THSD7A: variants seen among roughly 807,000 people sequenced by gnomAD.
THSD7A encodes thrombospondin type 1 domain containing 7A, also known as thrombospondin type-1 domain-containing protein 7A.
A neutral mutation model predicts 231.3 loss-of-function variants in THSD7A; 96 were observed. The observed-to-expected ratio is 0.41, with a 90% CI of 0.35 to 0.49. THSD7A has a LOEUF of 0.49. THSD7A is among the 20% of genes least tolerant of loss of function. The probability of loss-of-function intolerance (pLI) is 0.05; values close to 1 mark genes in which losing one functional copy is unlikely to be tolerated. For synonymous variants in THSD7A, 940 were observed against 743.3 expected, an observed-to-expected ratio of 1.26 and a Z score of -4.30; for missense variants, 2,290 against 2,070.2, an observed-to-expected ratio of 1.11 and a Z score of -2.06.
intron 4 of THSD7A, among the ~76,000 whole-genome samples, chr7:11,581,990 A>G (rs1791186098): frequency 6.6e-6 from 1 of 152,056 alleles, no homozygotes; most frequent in African/African-American, 2.4e-5. Flanking sequence ...AAACATTTGT[A>G]ATACAGCTGA....
chr7:11,507,791 T>C (rs1268215514), intron 6 of THSD7A, among the ~76,000 whole-genome samples: 2 of 152,168 alleles, frequency 1.3e-5, no homozygotes, highest in South Asian at 2.1e-4. Context: ...TCACAACTTA[T>C]GGATGGGAAA....
intron 1 of THSD7A, among the ~76,000 whole-genome samples, chr7:11,724,457 A>G (rs1781475896): frequency 2.0e-5 from 3 of 151,926 alleles, no homozygotes; most frequent in Admixed American, 2.0e-4. Flanking sequence ...TTTATTGCTT[A>G]TAATCAGTCA....
At chr7:11,447,494 C>A (rs1785010822) in intron 11 of THSD7A, 70 bp from the exon 12 acceptor site, 6 of 1,336,044 alleles carry the variant, frequency 4.5e-6, no homozygotes, top group Non-Finnish European at 4.9e-6. Context: ...AGAAGCTAAC[C>A]TAACATTTGG....
chr7:11,707,010 T>C (rs893723647), intron 1 of THSD7A, among the ~76,000 whole-genome samples: 2 of 150,800 alleles, frequency 1.3e-5, no homozygotes, highest in Admixed American at 1.3e-4. Flanking sequence ...AGGAGTAGTC[T>C]AGAGAAAACT....
At chr7:11,449,058 G>A (rs1031561797) in intron 11 of THSD7A, among the ~76,000 whole-genome samples, 1 of 152,016 alleles carries the variant, frequency 6.6e-6, no homozygotes, top group Non-Finnish European at 1.5e-5. Context: ...AGTCTAAGAT[G>A]GTGGTTCTCA....
intron 6 of THSD7A, among the ~76,000 whole-genome samples, chr7:11,485,094 C>G (rs1433099841): frequency 2.0e-5 from 3 of 151,418 alleles, no homozygotes; most frequent in African/African-American, 7.3e-5. Context: ...TTTCACCATA[C>G]TGGCCAGGCT....
rs1583831140 is a variant in THSD7A, at chr7:11,485,807, C to A, written c.1823-3825G>T. 2.0e-5 allele frequency among the ~76,000 whole-genome samples: 3 copies of A among 152,286 alleles called. No individual in the cohort carries two copies. The East Asian group carries it at 5.8e-4, about 29-fold the overall frequency. On this transcript the variant is annotated intron_variant, in intron 6 of 27. Coordinates refer to ENST00000423059, the MANE Select transcript of THSD7A (RefSeq NM_015204.3). Reference sequence around the variant, plus strand: ...TCAACACAGTGATGCATGTTGCCAGCCACACAGTGCTTCAAATACAAAGAC... The same window carrying A: ...TCAACACAGTGATGCATGTTGCCAGACACACAGTGCTTCAAATACAAAGAC...
intron 4 of THSD7A, among the ~76,000 whole-genome samples, chr7:11,576,118 T>C (rs936893331): frequency 4.6e-5 from 7 of 152,340 alleles, no homozygotes; most frequent in Admixed American, 4.6e-4. Flanking sequence ...AATCTTATGA[T>C]ACACATTTTG....
chr7:11,543,426 G>A (rs1318627819), intron 4 of THSD7A, among the ~76,000 whole-genome samples: 1 of 152,106 alleles, frequency 6.6e-6, no homozygotes, highest in Non-Finnish European at 1.5e-5. Flanking sequence ...ATTCCTTAAG[G>A]TTAGATCTAA....
chr7:11,604,961 C>T (rs1780684704), intron 2 of THSD7A, among the ~76,000 whole-genome samples: 1 of 151,974 alleles, frequency 6.6e-6, no homozygotes, highest in African/African-American at 2.4e-5. Context: ...CACTGGGACT[C>T]ATGTTACTGC....
chr7:11,505,422 G>A (rs1286174988), intron 6 of THSD7A, among the ~76,000 whole-genome samples: 5 of 149,250 alleles, frequency 3.4e-5, no homozygotes, highest in East Asian at 2.0e-4. Context: ...TTAGGTTTCC[G>A]AAAACTAACA....
chr7:11,483,105 A>G (rs1054823415), intron 6 of THSD7A, among the ~76,000 whole-genome samples: 1 of 152,234 alleles, frequency 6.6e-6, no homozygotes, highest in African/African-American at 2.4e-5. Flanking sequence ...CGCATTAGGC[A>G]TTCAGGTGAG....
At chr7:11,440,925 A>G (rs1784784561) in intron 13 of THSD7A, among the ~76,000 whole-genome samples, 1 of 152,084 alleles carries the variant, frequency 6.6e-6, no homozygotes, top group South Asian at 2.1e-4. Flanking sequence ...GCTATCAAAC[A>G]ACATTGCATG....
intron 16 of THSD7A, among the ~76,000 whole-genome samples, chr7:11,418,735 C>T (rs1453863259): frequency 6.6e-6 from 1 of 152,040 alleles, no homozygotes; most frequent in Non-Finnish European, 1.5e-5. Flanking sequence ...CTGTGGGATA[C>T]ATTCAAACAC....
intron 1 of THSD7A, among the ~76,000 whole-genome samples, chr7:11,692,587 A>G (rs1369488569): frequency 6.6e-6 from 1 of 151,576 alleles, no homozygotes. Context: ...AGAAGTTAGG[A>G]CTCGAGTTCA....
intron 6 of THSD7A, among the ~76,000 whole-genome samples, chr7:11,483,237 A>T (rs1786503340): frequency 6.6e-6 from 1 of 152,224 alleles, no homozygotes; most frequent in Admixed American, 6.5e-5. Flanking sequence ...TATGCTTTAA[A>T]AACAAGACAG....
rs1781763081 is a variant in THSD7A, at chr7:11,634,481, T to A, written c.1022+1649A>T. ...TTTGATGTCAGCCAAGTAACTAATA[T>A]AACTGTAATATACTTCAGGAAAAGA... is the stretch of plus-strand genomic sequence containing the variant. On this transcript the variant is annotated intron_variant, in intron 2 of 27. Coordinates refer to ENST00000423059, the MANE Select transcript of THSD7A (RefSeq NM_015204.3). This position sits in a 1 kb window ranked among gnomAD's most constrained non-coding sequence, Gnocchi z 4.1. 6.6e-6 allele frequency among the ~76,000 whole-genome samples: 1 copy of A among 152,088 alleles called. No individual in the cohort carries two copies. The highest frequency in any genetic ancestry group is 2.4e-5 in the African/African-American group (1 of 41,406).
At chr7:11,709,615 T>C (rs1780885756) in intron 1 of THSD7A, among the ~76,000 whole-genome samples, 1 of 150,922 alleles carries the variant, frequency 6.6e-6, no homozygotes, top group African/African-American at 2.4e-5. Flanking sequence ...AAAAATACAG[T>C]AAGGCCTTAA....
At chr7:11,824,171 GA>G (rs1168408449) in intron 1 of THSD7A, among the ~76,000 whole-genome samples, 2 of 152,132 alleles carry the variant, frequency 1.3e-5, no homozygotes, top group East Asian at 3.9e-4. Context: ...CTTGTATTAG[GA>G]AAGATATATT....
Sources: gnomAD v4.1 joint callset for allele counts (sites outside exome capture counted in the v4.1 genomes callset) on GRCh38, gnomAD v4.1.1 for gene constraint, Gnocchi (gnomAD v3.1) non-coding constraint, MANE v1.5 for transcripts, NCBI Gene and HGNC (gene_info 2026-07-23, HGNC 2026-07-21) for gene names.